Variants in SHANK2 observed in about 807,000 individuals in gnomAD.
SHANK2 encodes the protein SH3 and multiple ankyrin repeat domains protein 2.
SHANK2 carries 43 observed loss-of-function variants against 133.7 expected under a neutral mutation model. That is an observed-to-expected ratio of 0.32 (90% CI 0.25 to 0.41). SHANK2 has a LOEUF of 0.41. SHANK2 is among the 10% of genes least tolerant of loss of function. The pLI is 1.00. For synonymous variants in SHANK2, 1,017 were observed against 952.8 expected (o/e 1.07, Z -1.24); for missense variants, 1,994 against 2,235.8 (o/e 0.89, Z 2.18).
chr11:71,064,778 G>A (rs1030150503), intron 9 of SHANK2, among the ~76,000 whole-genome samples: 13 of 152,036 alleles, frequency 8.6e-5, no homozygotes, highest in Non-Finnish European at 1.6e-4. Flanking sequence ...GCCAGGTTTC[G>A]GGCCTGAGCT....
At chr11:70,590,600 A>T (rs2060308893) in intron 17 of SHANK2, among the ~76,000 whole-genome samples, 1 of 152,256 alleles carries the variant, frequency 6.6e-6, no homozygotes, top group South Asian at 2.1e-4. Context: ...CATTGAAGTG[A>T]GACTCTCCAA....
rs11601415 is a variant in SHANK2, at chr11:70,918,024, T to G, written c.1108-21457A>C. On this transcript the variant is annotated intron_variant, in intron 10 of 25. Coordinates refer to ENST00000601538, the MANE Select transcript of SHANK2 (RefSeq NM_012309.5). ...ATACCCCTGAACTTAAAAGTTTTTTTTTTTTTTTTTTTTTTTTTTTAAATA... is the reference window on the plus strand; with the variant it reads ...ATACCCCTGAACTTAAAAGTTTTTTGTTTTTTTTTTTTTTTTTTTTAAATA... Among the ~76,000 whole-genome samples the G allele has an allele frequency of 5.4e-3, 34 of 6,284 alleles. 2 individuals are homozygous for G. Among genetic ancestry groups the G allele is most frequent in the African/African-American group, 0.015 (31 of 2,076 alleles). The allele number at this position is 6,284 out of a possible 152,430, so 4.1% of individuals were successfully genotyped here.
intron 10 of SHANK2, among the ~76,000 whole-genome samples, chr11:70,936,140 A>G (rs1212763713): frequency 2.0e-5 from 3 of 152,222 alleles, no homozygotes; most frequent in Non-Finnish European, 4.4e-5. Context: ...TTATTCTCAA[A>G]ATGTTCAGAA....
intron 10 of SHANK2, among the ~76,000 whole-genome samples, chr11:70,898,042 A>G (rs1423982251): frequency 6.6e-6 from 1 of 150,744 alleles, no homozygotes; most frequent in African/African-American, 2.4e-5. Flanking sequence ...GGCTCACTGC[A>G]ATCTCTGCCT....
At chr11:70,689,608 ACTGGC>A (rs1945231892) in intron 15 of SHANK2, among the ~76,000 whole-genome samples, 1 of 152,208 alleles carries the variant, frequency 6.6e-6, no homozygotes, top group South Asian at 2.1e-4. Context: ...ATAACTTCTT[ACTGGC>A]AATTCTCACC....
chr11:70,930,783 G>A (rs1950492743), intron 10 of SHANK2, among the ~76,000 whole-genome samples: 1 of 145,482 alleles, frequency 6.9e-6, no homozygotes, highest in Non-Finnish European at 1.5e-5. Flanking sequence ...CAATCCTCCT[G>A]CCTCACCCTC....
intron 10 of SHANK2, among the ~76,000 whole-genome samples, chr11:70,950,268 C>T (rs7479492): frequency 0.19 from 28,881 of 150,128 alleles, 2,881 homozygotes; most frequent in Middle Eastern, 0.32. Flanking sequence ...CCTCTGCCTC[C>T]CGGGTTCAAG....
At chr11:71,183,740 T>C (rs1263115559) in intron 2 of SHANK2, among the ~76,000 whole-genome samples, 3 of 152,018 alleles carry the variant, frequency 2.0e-5, no homozygotes, top group Admixed American at 2.0e-4. Context: ...GCTGGGAAAC[T>C]TCAGGGAGGG....
chr11:70,894,466 C>G (rs1398386414), intron 11 of SHANK2, among the ~76,000 whole-genome samples: 1 of 152,160 alleles, frequency 6.6e-6, no homozygotes, highest in African/African-American at 2.4e-5. Context: ...GGATTACAGG[C>G]GTGAGACACC....
chr11:71,099,208 G>C (rs887526586), intron 6 of SHANK2, among the ~76,000 whole-genome samples: 1 of 152,000 alleles, frequency 6.6e-6, no homozygotes, highest in Non-Finnish European at 1.5e-5. Flanking sequence ...AGACGAATGA[G>C]GGAATGTCAT....
chr11:71,249,387 C>G (rs1204866740), intron 1 of SHANK2, among the ~76,000 whole-genome samples: 1 of 152,188 alleles, frequency 6.6e-6, no homozygotes, highest in African/African-American at 2.4e-5. Context: ...CTCCCTGGGG[C>G]TCACAGTCCC....
intron 2 of SHANK2, among the ~76,000 whole-genome samples, chr11:71,210,465 G>A (rs1031598598): frequency 6.6e-6 from 1 of 151,400 alleles, no homozygotes; most frequent in Non-Finnish European, 1.5e-5. Context: ...TAGCCAGGAT[G>A]GTCTCAAATC....
intron 1 of SHANK2, among the ~76,000 whole-genome samples, chr11:71,248,125 C>G (rs1454442659): frequency 6.6e-6 from 1 of 152,236 alleles, no homozygotes; most frequent in Non-Finnish European, 1.5e-5. Context: ...GGCCCATTGT[C>G]CCCCGCCCTG....
At chr11:70,893,139 T>C (rs1949877385) in intron 11 of SHANK2, among the ~76,000 whole-genome samples, 1 of 152,252 alleles carries the variant, frequency 6.6e-6, no homozygotes, top group Non-Finnish European at 1.5e-5. Context: ...ATGGCTGTGA[T>C]GCTGTACGTG....
intron 14 of SHANK2, among the ~76,000 whole-genome samples, chr11:70,734,326 C>G (rs781950997): frequency 3.9e-5 from 6 of 152,178 alleles, no homozygotes; most frequent in Non-Finnish European, 5.9e-5. Context: ...ATAGTTAAAA[C>G]CCGAGGGAGG....
At chr11:70,874,970 T>C (rs1398061270) in intron 11 of SHANK2, among the ~76,000 whole-genome samples, 1 of 152,240 alleles carries the variant, frequency 6.6e-6, no homozygotes, top group East Asian at 1.9e-4. Flanking sequence ...CATGTAACTA[T>C]AACAGGCTTC....
At chr11:70,790,630 C>T (rs1475129772) in intron 14 of SHANK2, among the ~76,000 whole-genome samples, 2 of 152,218 alleles carry the variant, frequency 1.3e-5, no homozygotes, top group Non-Finnish European at 2.9e-5. Context: ...GGATTTTAGA[C>T]TTGCCTGTTC....
Position 70,807,011 on chromosome 11 carries a change from T to C in SHANK2, c.1654A>G (p.Arg552Gly), listed in dbSNP as rs782554131. ...DGEIPLHRGD[R>G]VKVLSIGEGG... The stretch of plus-strand genomic sequence containing the variant: ...ACCAGCAGACACTGACCTTTGACCC[T>C]GTCACCGCGGTGAAGGGGGATCTCG... The change falls in exon 13 of 26, where the codon AGG becomes GGG. Residue 552 changes from arginine (R) to glycine (G), a missense_variant. Arg to Gly is a moderately radical substitution (Grantham distance 125). Around this residue, in one of 5 missense-constraint regions of SHANK2, gnomAD observed 653 missense variants for 563.4 expected, o/e 1.16. Coordinates refer to ENST00000601538, the MANE Select transcript of SHANK2 (RefSeq NM_012309.5). This position sits in a 1 kb window ranked among gnomAD's most constrained non-coding sequence, Gnocchi z 4.8. 1 of 717,348 alleles carries C rather than the reference T, an allele frequency of 1.4e-6. No homozygotes were observed. The highest frequency in any genetic ancestry group is 2.6e-6 in the Non-Finnish European group (1 of 384,772). 44.4% of individuals were successfully genotyped at this position (717,348 alleles called of 1,614,324 possible). A position where few individuals can be genotyped will look rare whatever the true frequency, so the allele number is the denominator to read the frequency against.
chr11:70,501,763 C>T (rs1327526240), intron 20 of SHANK2, among the ~76,000 whole-genome samples, 160 bp downstream of exon 20: 3 of 152,140 alleles, frequency 2.0e-5, no homozygotes, highest in Non-Finnish European at 4.4e-5. Context: ...GCCAAGCCCA[C>T]GCTATCTACA....
Sources: allele counts gnomAD v4.1 joint callset (sites outside exome capture counted in the v4.1 genomes callset), GRCh38; gene constraint gnomAD v4.1.1; regional missense constraint gnomAD v4.1.1; non-coding constraint Gnocchi (gnomAD v3.1); transcripts MANE v1.5; gene names NCBI Gene and HGNC (gene_info 2026-07-23, HGNC 2026-07-21).